The following DNAH17 variants were observed in gnomAD, a reference collection of about 807,000 sequenced individuals.
DNAH17 encodes the protein dynein axonemal heavy chain 17, also known as axonemal beta dynein heavy chain 17.
A neutral mutation model predicts 485.6 loss-of-function variants in DNAH17; 376 were observed. The observed-to-expected ratio is 0.77, with a 90% CI of 0.71 to 0.84. The LOEUF (loss-of-function observed/expected upper bound fraction) is 0.84. Ranked by LOEUF, DNAH17 falls within the 40% of genes least tolerant of loss-of-function variation. The pLI is 0.00. For synonymous variants in DNAH17, 3,031 were observed against 2,405.9 expected (o/e 1.26, Z -7.60); for missense variants, 6,370 against 5,839.3 (o/e 1.09, Z -2.96).
intron 75 of DNAH17, among the ~76,000 whole-genome samples, chr17:78,430,041 G>T (rs1044586222): frequency 1.2e-4 from 18 of 152,144 alleles, no homozygotes; most frequent in African/African-American, 4.3e-4. Flanking sequence ...CCCCGCCGCC[G>T]TTCCCACTCC....
intron 77 of DNAH17, chr17:78,428,322 C>G: frequency 1.5e-6 from 1 of 655,044 alleles, no homozygotes; most frequent in East Asian, 2.8e-5. Context: ...TACGCTCACC[C>G]GAAGCCTGCA....
chr17:78,538,533 T>A (rs1410305322), intron 18 of DNAH17, among the ~76,000 whole-genome samples: 2 of 152,202 alleles, frequency 1.3e-5, no homozygotes, highest in Non-Finnish European at 2.9e-5. Flanking sequence ...GGGGGCTGTA[T>A]CAGTATCTGA....
chr17:78,429,398 C>T, intron 75 of DNAH17, 98 bp from the exon 76 acceptor site: 2 of 1,349,528 alleles, frequency 1.5e-6, no homozygotes, highest in East Asian at 2.5e-5. Context: ...GGAACCCAGC[C>T]ATTGGTGCTG....
chr17:78,455,532 G>A, intron 63 of DNAH17, 112 bp downstream of exon 63: 1 of 762,864 alleles, frequency 1.3e-6, no homozygotes, highest in Non-Finnish European at 2.0e-6. Context: ...TCACCATGTT[G>A]GCCAGGCTGC....
intron 70 of DNAH17, 29 bp downstream of exon 70, chr17:78,445,529 C>T: frequency 6.4e-7 from 1 of 1,555,856 alleles, no homozygotes; most frequent in South Asian, 1.2e-5. Context: ...GGGGAGAAAG[C>T]ACAACGTGTT....
chr17:78,428,392 C>A (rs144078990), intron 77 of DNAH17, 133 bp downstream of exon 77: 175 of 1,146,152 alleles, frequency 1.5e-4, no homozygotes, highest in Non-Finnish European at 2.0e-4. Context: ...GTTTCTGATA[C>A]CCAAGCCCAA....
intron 6 of DNAH17, 67 bp downstream of exon 6, chr17:78,570,881 A>AAAAAG (rs878910819): frequency 1.4e-5 from 11 of 814,270 alleles, no homozygotes; most frequent in East Asian, 9.8e-5. Context: ...AAAAAAAAGA[A>AAAAAG]AAAAGAAAAG....
chr17:78,530,876 C>T (rs2091216600), intron 20 of DNAH17, among the ~76,000 whole-genome samples: 3 of 152,202 alleles, frequency 2.0e-5, no homozygotes, highest in South Asian at 2.1e-4. Flanking sequence ...GTCACTCCTC[C>T]TGCTGCCCCA....
intron 55 of DNAH17, among the ~76,000 whole-genome samples, chr17:78,467,999 C>T (rs1373471866): frequency 8.0e-6 from 1 of 125,106 alleles, no homozygotes; most frequent in Non-Finnish European, 1.6e-5. Flanking sequence ...GCCTGGGCGA[C>T]AAGTGAAACT....
chr17:78,572,862 G>A lies in DNAH17; in HGVS notation c.378C>T (p.Asn126=), dbSNP rs981636854. 9 of 1,613,770 alleles carry A rather than the reference G, an allele frequency of 5.6e-6. No homozygotes were observed. The highest frequency in any genetic ancestry group is 3.3e-5 in the Admixed American group (2 of 59,986). Residue 126 remains asparagine, a synonymous_variant, in exon 3 of 81, where the codon AAC becomes AAT. Coordinates refer to ENST00000389840, the MANE Select transcript of DNAH17 (RefSeq NM_173628.4). The part of the protein sequence containing the change: ...VLSSLLNQSE[N]MAGWPQVVSE... ...AGACCACCTGGGGCCATCCAGCCAT[G>A]TTCTCACTTTGGTTTAACAGAGAAG... is the stretch of plus-strand genomic sequence containing the variant.
chr17:78,574,758 G>A lies in DNAH17; in HGVS notation c.300C>T (p.Asp100=), dbSNP rs760585046. ...GCTGGTCCACGGGTGTGGGGCTGATGTCGCCGTAAAGGAGCCGGGCCCTGT... is the reference window on the plus strand; with the variant it reads ...GCTGGTCCACGGGTGTGGGGCTGATATCGCCGTAAAGGAGCCGGGCCCTGT... ...DNYRARLLYG[D]ISPTPVDQLI... is the part of the protein sequence containing the mutation. Residue 100 remains aspartate, a synonymous_variant, in exon 2 of 81, where the codon GAC becomes GAT. Coordinates refer to ENST00000389840, the MANE Select transcript of DNAH17 (RefSeq NM_173628.4). 3.7e-6 allele frequency: 6 copies of A among 1,613,486 alleles called. No individual in the cohort carries two copies. The highest frequency in any genetic ancestry group is 3.4e-6 in the Non-Finnish European group (4 of 1,179,658).
rs11869653 is a variant in DNAH17, at chr17:78,441,561, A to C, written c.11529-362T>G. ...AGCAAAGCTTTGGTGAGCCTAAAAA[A>C]GTCAAAGAAAAAAGCAACTTCAGAT... On this transcript the variant is annotated intron_variant, in intron 71 of 80. Coordinates refer to ENST00000389840, the MANE Select transcript of DNAH17 (RefSeq NM_173628.4). Among the ~76,000 whole-genome samples the C allele has an allele frequency of 8.0e-3, 1,220 of 152,268 alleles. 21 individuals are homozygous for C. Among genetic ancestry groups the C allele is most frequent in the African/African-American group, 0.028 (1,149 of 41,530 alleles).
At chr17:78,436,811 C>G (rs2086862363) in intron 74 of DNAH17, among the ~76,000 whole-genome samples, 1 of 151,800 alleles carries the variant, frequency 6.6e-6, no homozygotes, top group Non-Finnish European at 1.5e-5. Context: ...CACCATTGCA[C>G]TCCAGCCTGG....
chr17:78,542,336 C>T (rs1364642514), intron 17 of DNAH17, among the ~76,000 whole-genome samples: 4 of 151,982 alleles, frequency 2.6e-5, no homozygotes, highest in South Asian at 2.1e-4. Flanking sequence ...TTAGTAGAGA[C>T]AGGGTTTCAC....
intron 17 of DNAH17, among the ~76,000 whole-genome samples, chr17:78,542,465 G>C (rs976319995): frequency 6.6e-6 from 1 of 152,100 alleles, no homozygotes; most frequent in African/African-American, 2.4e-5. Flanking sequence ...GAGCTCAAGG[G>C]AGAATATTCT....
At chr17:78,468,989 A>C in intron 54 of DNAH17, 106 bp from the exon 55 acceptor site, 2 of 1,376,176 alleles carry the variant, frequency 1.5e-6, no homozygotes, top group Non-Finnish European at 1.9e-6. Context: ...TTTGAGACGG[A>C]GTCTCGCTCT....
chr17:78,494,248 T>G, intron 40 of DNAH17, 75 bp from the exon 41 acceptor site: 1 of 1,549,768 alleles, frequency 6.5e-7, no homozygotes, highest in Admixed American at 1.8e-5. Flanking sequence ...GCTGGGGGGC[T>G]TCCTGCCCCG....
intron 15 of DNAH17, 54 bp from the exon 16 acceptor site, chr17:78,551,692 G>T (rs556198633): frequency 2.6e-6 from 4 of 1,567,460 alleles, no homozygotes; most frequent in Non-Finnish European, 3.5e-6. Context: ...GGCTGGGCGC[G>T]GTGGCTCAAG....
chr17:78,492,840 G>A, intron 41 of DNAH17, 75 bp from the exon 42 acceptor site: 6 of 1,258,542 alleles, frequency 4.8e-6, no homozygotes, highest in Non-Finnish European at 6.5e-6. Flanking sequence ...TCAGGACCAT[G>A]GGTGGGCCTG....
Sources: allele counts gnomAD v4.1 joint callset (sites outside exome capture counted in the v4.1 genomes callset), GRCh38; gene constraint gnomAD v4.1.1; transcripts MANE v1.5; gene names NCBI Gene and HGNC (gene_info 2026-07-23, HGNC 2026-07-21).